POU3F3: variants seen among roughly 807,000 people sequenced by gnomAD.
POU3F3 encodes POU domain, class 3, transcription factor 3.
Under a neutral mutation model 8.6 loss-of-function variants are expected in POU3F3, and 1 was observed. That is an observed-to-expected ratio of 0.12 (90% confidence interval 0.04 to 0.55). The LOEUF (loss-of-function observed/expected upper bound fraction) is 0.55, where lower values mean the gene tolerates loss of function less well. Among genes scored for constraint, POU3F3 ranks in the 20% least tolerant of loss-of-function variants. POU3F3 has a pLI of 0.91. For missense variants in POU3F3, 577 were observed against 690.7 expected (o/e 0.84, Z 1.84); for synonymous variants, 418 against 327.4 (o/e 1.28, Z -2.99).
chr2:104,911,423 A>G, the POU3F3 span, among the ~76,000 whole-genome samples: 1 of 151,710 alleles, frequency 6.6e-6, no homozygotes, highest in Non-Finnish European at 1.5e-5. Context: ...TCAAAAAAAA[A>G]AAAAAAAAAA....
the POU3F3 span, among the ~76,000 whole-genome samples, chr2:104,911,813 C>T: frequency 1.3e-5 from 2 of 151,138 alleles, no homozygotes; most frequent in South Asian, 2.1e-4. Flanking sequence ...CAAGTGGTCT[C>T]GAGAGAGAGA....
the POU3F3 span, among the ~76,000 whole-genome samples, chr2:104,903,334 G>T: frequency 6.6e-5 from 10 of 152,232 alleles, no homozygotes; most frequent in South Asian, 1.2e-3. Context: ...ATACCAATTG[G>T]TACAAAGGCA....
At chr2:104,914,978 A>AC in the POU3F3 span, among the ~76,000 whole-genome samples, 3 of 152,200 alleles carry the variant, frequency 2.0e-5, no homozygotes, top group Non-Finnish European at 4.4e-5. Context: ...TGAAGGCCTC[A>AC]CAGGTGCCTG....
At chr2:104,863,365 T>C (rs1453404522), downstream of POU3F3, among the ~76,000 whole-genome samples, 2 of 152,014 alleles carry the variant, frequency 1.3e-5, no homozygotes, top group Non-Finnish European at 2.9e-5. Flanking sequence ...TGCTGGAGGC[T>C]GGAGTCGGCT....
At chr2:104,863,846 T>A in the POU3F3 span, among the ~76,000 whole-genome samples, 1 of 152,226 alleles carries the variant, frequency 6.6e-6, no homozygotes, top group African/African-American at 2.4e-5. Flanking sequence ...AACAGCCTAG[T>A]GCACTGGCAG....
At chr2:104,902,360 G>A in the POU3F3 span, among the ~76,000 whole-genome samples, 1 of 152,176 alleles carries the variant, frequency 6.6e-6, no homozygotes, top group Non-Finnish European at 1.5e-5. Flanking sequence ...GCATTGCAGA[G>A]TGGAATGAAG....
the POU3F3 span, among the ~76,000 whole-genome samples, chr2:104,863,619 G>A: frequency 6.6e-6 from 1 of 152,108 alleles, no homozygotes; most frequent in Non-Finnish European, 1.5e-5. Context: ...TGGAGCCCTG[G>A]AGCGGAGGAC....
chr2:104,894,343 T>C, the POU3F3 span, among the ~76,000 whole-genome samples: 1 of 152,248 alleles, frequency 6.6e-6, no homozygotes, highest in East Asian at 1.9e-4. Flanking sequence ...CATCATTATA[T>C]GAAAGGATTA....
chr2:104,854,721 C>T lies in POU3F3; in HGVS notation c.-790C>T, dbSNP rs975073546. 1.8e-4 allele frequency among the ~76,000 whole-genome samples: 28 copies of T among 152,016 alleles called. No homozygotes were observed. The highest frequency in any genetic ancestry group is 6.5e-4 in the African/African-American group (27 of 41,400). ...AGAACAAAACTTGAAACGAGAGGAC[C>T]AGAGGGGGAGAGCAGGAGCCAGCCT... On this transcript the variant is annotated 5_prime_UTR_variant, in exon 1 of 1. Transcript: ENST00000361360. This position sits in a 1 kb window ranked among gnomAD's most constrained non-coding sequence, Gnocchi z 4.5.
chr2:104,874,123 G>T, the POU3F3 span, among the ~76,000 whole-genome samples: 10 of 152,226 alleles, frequency 6.6e-5, no homozygotes, highest in South Asian at 4.1e-4. Flanking sequence ...AAGCAATTGA[G>T]GACTTGGTCC....
At chr2:104,920,641 A>G in the POU3F3 span, among the ~76,000 whole-genome samples, 1 of 152,098 alleles carries the variant, frequency 6.6e-6, no homozygotes, top group East Asian at 1.9e-4. Flanking sequence ...CCAGCCTGCA[A>G]TTTCTGAGTC....
chr2:104,854,506 C>G lies in POU3F3; in HGVS notation c.-1005C>G, dbSNP rs554183150. 2.0e-5 allele frequency among the ~76,000 whole-genome samples: 3 copies of G among 152,328 alleles called. No homozygotes were observed. Among genetic ancestry groups the G allele is most frequent in the African/African-American group, 7.2e-5 (3 of 41,578 alleles). On this transcript the variant is annotated 5_prime_UTR_variant, in exon 1 of 1. It adds an upstream start codon to the 5' untranslated region. Coordinates refer to ENST00000361360, the MANE Select transcript of POU3F3 (RefSeq NM_006236.3). The surrounding 1 kb of genome is among the most constrained non-coding windows in gnomAD (Gnocchi z 4.5). ...ACAAGGTAACAGAGCGATTCGACAT[C>G]ATTTTTTTTCCTGTTCAATTTTTTC...
the POU3F3 span, among the ~76,000 whole-genome samples, chr2:104,901,215 C>T: frequency 6.6e-6 from 1 of 152,224 alleles, no homozygotes; most frequent in Non-Finnish European, 1.5e-5. Flanking sequence ...GCAAGCCTGC[C>T]CACAGTTCAC....
the POU3F3 span, chr2:104,867,938 G>A: frequency 1.7e-5 from 4 of 239,346 alleles, no homozygotes; most frequent in African/African-American, 9.2e-5. The surrounding 1 kb of genome is among the most constrained non-coding windows in gnomAD (Gnocchi z 5.0). Flanking sequence ...GGTTCCCGAG[G>A]ACCCAGCTCC....
chr2:104,924,066 C>T, the POU3F3 span, among the ~76,000 whole-genome samples: 2 of 152,038 alleles, frequency 1.3e-5, no homozygotes, highest in South Asian at 2.1e-4. Flanking sequence ...TAGAGATGGA[C>T]GATAGTGATA....
At chr2:104,853,785 C>T (rs148506022), upstream of POU3F3, 1 of 152,052 alleles carries the variant, frequency 6.6e-6, no homozygotes, top group Admixed American at 6.5e-5. Context: ...CTATTGCGAA[C>T]GCCCAGAGCC....
At chr2:104,922,425 T>C in the POU3F3 span, among the ~76,000 whole-genome samples, 1 of 133,316 alleles carries the variant, frequency 7.5e-6, no homozygotes, top group Non-Finnish European at 1.6e-5. Context: ...AAGGAAATCA[T>C]GTAAAAAGTC....
chr2:104,915,739 C>T, the POU3F3 span, among the ~76,000 whole-genome samples: 2 of 151,710 alleles, frequency 1.3e-5, no homozygotes, highest in East Asian at 1.9e-4. Context: ...TTGTTTCTAA[C>T]ATCTCGGATG....
At chr2:104,921,020 A>G in the POU3F3 span, among the ~76,000 whole-genome samples, 2 of 152,138 alleles carry the variant, frequency 1.3e-5, no homozygotes, top group Non-Finnish European at 2.9e-5. Context: ...TCTTTTTTGC[A>G]TACATCCTCT....
Sources: allele counts gnomAD v4.1 joint callset (sites outside exome capture counted in the v4.1 genomes callset), GRCh38; gene constraint gnomAD v4.1.1; non-coding constraint Gnocchi (gnomAD v3.1); transcripts MANE v1.5; gene names NCBI Gene and HGNC (gene_info 2026-07-23, HGNC 2026-07-21).